ANKRD40: variants seen among roughly 807,000 people sequenced by gnomAD.
ANKRD40 encodes ankyrin repeat domain 40.
Under a neutral mutation model 35.5 loss-of-function variants are expected in ANKRD40, and 24 were observed. That is an observed-to-expected ratio of 0.68 (90% CI 0.49 to 0.95). The LOEUF (loss-of-function observed/expected upper bound fraction) is 0.95, where lower values mean the gene tolerates loss of function less well. Among genes scored for constraint, ANKRD40 ranks in the 40% least tolerant of loss-of-function variants. The probability of loss-of-function intolerance (pLI) is 0.00; values close to 1 mark genes in which losing one functional copy is unlikely to be tolerated. For synonymous variants in ANKRD40, 147 were observed against 173.5 expected, an observed-to-expected ratio of 0.85 and a Z score of 1.20; for missense variants, 361 against 436.0, an observed-to-expected ratio of 0.83 and a Z score of 1.53.
At chr17:50,703,996 T>A (rs1366922317) in intron 1 of ANKRD40, among the ~76,000 whole-genome samples, 1 of 151,968 alleles carries the variant, frequency 6.6e-6, no homozygotes, top group African/African-American at 2.4e-5. Context: ...AGATTCTGAC[T>A]GTATCTGAAG....
chr17:50,698,232 C>T (rs947777535), intron 3 of ANKRD40, among the ~76,000 whole-genome samples: 12 of 151,252 alleles, frequency 7.9e-5, no homozygotes, highest in East Asian at 1.9e-4. Context: ...GCTATAAGCC[C>T]GGAACATCTT....
At chr17:50,702,132 C>A (rs1426882108) in intron 1 of ANKRD40, among the ~76,000 whole-genome samples, 1 of 152,118 alleles carries the variant, frequency 6.6e-6, no homozygotes, top group Admixed American at 6.5e-5. Context: ...GGGCCAGGCA[C>A]GGTGGCTCAC....
intron 3 of ANKRD40, 93 bp from the exon 4 acceptor site, chr17:50,697,214 C>G (rs1968210492): frequency 8.1e-7 from 1 of 1,236,638 alleles, no homozygotes; most frequent in Non-Finnish European, 1.1e-6. Context: ...TATACTTAAT[C>G]ATGCCAAAGG....
At chr17:50,698,085 T>C (rs1968221252) in intron 3 of ANKRD40, among the ~76,000 whole-genome samples, 1 of 152,074 alleles carries the variant, frequency 6.6e-6, no homozygotes, top group Non-Finnish European at 1.5e-5. Flanking sequence ...GACCACATCC[T>C]GGTGTCTGAA....
intron 1 of ANKRD40, 42 bp from the exon 2 acceptor site, chr17:50,700,758 T>C (rs1458290611): frequency 6.4e-7 from 1 of 1,569,314 alleles, no homozygotes; most frequent in Admixed American, 1.8e-5. Context: ...GGAGAAGTGA[T>C]TTTGGATTTC....
chr17:50,699,270 G>A, intron 3 of ANKRD40, 129 bp downstream of exon 3: 1 of 1,257,546 alleles, frequency 8.0e-7, no homozygotes, highest in Non-Finnish European at 1.1e-6. Context: ...TTTGAGTAAA[G>A]GGAGTTCCTT....
rs199734034 is a variant in ANKRD40, at chr17:50,699,883, T to A, written c.294A>T (p.Glu98Asp). The A allele has an allele frequency of 2.0e-5, 30 of 1,498,022 alleles. No homozygotes were observed. Among genetic ancestry groups the A allele is most frequent in the African/African-American group, 4.4e-5 (3 of 68,422 alleles). 92.8% of individuals were successfully genotyped at this position (1,498,022 alleles called of 1,614,324 possible). Residue 98 changes from glutamate (E) to aspartate (D), a missense_variant, in exon 3 of 5, where the codon GAA becomes GAT. Transcript: ENST00000285243. Reference sequence around the variant, plus strand: ...TGTCATCATCATCATCATCATCATCTTCTTCTTCCACTTAAAAAGAAGAAA... The same window carrying A: ...TGTCATCATCATCATCATCATCATCATCTTCTTCCACTTAAAAAGAAGAAA... ...EIRKIMGVEE[E>D]DDDDDDDDNL...
chr17:50,697,141 T>C lies in ANKRD40; in HGVS notation c.779-20A>G. On this transcript the variant is annotated intron_variant, in intron 3 of 4. Coordinates refer to ENST00000285243, the MANE Select transcript of ANKRD40 (RefSeq NM_052855.4). ...CCAGCTCTAGAAAAAAAAGGAGAAA[T>C]GTTAATGAATAGTTCTGGCACAGCA... 6.2e-7 allele frequency: 1 copy of C among 1,600,500 alleles called. No individual in the cohort carries two copies. The highest frequency in any genetic ancestry group is 8.5e-7 in the Non-Finnish European group (1 of 1,172,360).
In ANKRD40 at chr17:50,707,584, C is replaced by T. The variant is rs551868482; in HGVS notation, c.71G>A (p.Arg24Gln). Residue 24 changes from arginine (R) to glutamine (Q), a missense_variant, in exon 1 of 5, where the codon CGG (arginine) becomes CAG (glutamine). Arg to Gln is a conservative substitution (Grantham distance 43). This residue lies in a region of ANKRD40 where 56 missense variants were observed against 47.1 expected (regional missense o/e 1.19). Transcript: ENST00000285243. This position sits in a 1 kb window ranked among gnomAD's most constrained non-coding sequence, Gnocchi z 4.8. ...LREAAALGDI[R>Q]EVQKLVESGV... Reference sequence around the variant, plus strand: ...GCTCTCCACCAGTTTCTGCACCTCCCGAATGTCCCCTAAGGCCGCGGCCTC... The same window carrying T: ...GCTCTCCACCAGTTTCTGCACCTCCTGAATGTCCCCTAAGGCCGCGGCCTC... 10 of 1,607,952 alleles carry T rather than the reference C, an allele frequency of 6.2e-6. No homozygotes were observed. The highest frequency in any genetic ancestry group is 2.7e-5 in the African/African-American group (2 of 74,290).
chr17:50,701,030 G>A (rs1191338624), intron 1 of ANKRD40: 4 of 208,664 alleles, frequency 1.9e-5, no homozygotes, highest in East Asian at 2.2e-4. Context: ...TATCAGTATC[G>A]CTCATTAGAT....
chr17:50,703,393 C>T (rs1031605021), intron 1 of ANKRD40, among the ~76,000 whole-genome samples: 1 of 152,098 alleles, frequency 6.6e-6, no homozygotes, highest in Non-Finnish European at 1.5e-5. Flanking sequence ...GCAAAGCACG[C>T]AGTACGCTAG....
intron 4 of ANKRD40, 113 bp from the exon 5 acceptor site, chr17:50,696,256 A>C: frequency 8.0e-7 from 1 of 1,254,194 alleles, no homozygotes; most frequent in South Asian, 1.6e-5. Context: ...AGAAAAAAAA[A>C]AATCCCTGTG....
At chr17:50,705,813 G>A (rs939949925) in intron 1 of ANKRD40, among the ~76,000 whole-genome samples, 18 of 151,292 alleles carry the variant, frequency 1.2e-4, no homozygotes, top group East Asian at 9.9e-4. Context: ...GGCACACACC[G>A]CTACCCCTGG....
Position 50,694,472 on chromosome 17 carries a change from T to C in ANKRD40, c.*1525A>G, listed in dbSNP as rs1307538099. The C allele has an allele frequency of 1.3e-5, 2 of 152,244 alleles. No homozygotes were observed. The highest frequency in any genetic ancestry group is 6.5e-5 in the Admixed American group (1 of 15,286). The allele number at this position is 152,244 out of a possible 1,614,324, so 9.4% of individuals were successfully genotyped here. A position where few individuals can be genotyped will look rare whatever the true frequency, so the allele number is the denominator to read the frequency against. ...TAGGAAGTTGAGTTTCTTTGGAAAC[T>C]ATAGGCACTATGGGGAAAAAGCTTC... On this transcript the variant is annotated 3_prime_UTR_variant, in exon 5 of 5. Coordinates refer to ENST00000285243, the MANE Select transcript of ANKRD40 (RefSeq NM_052855.4).
intron 2 of ANKRD40, 168 bp downstream of exon 2, chr17:50,700,400 G>A (rs568244446): frequency 2.6e-4 from 167 of 651,006 alleles, no homozygotes; most frequent in Non-Finnish European, 3.2e-4. Context: ...CCGAGATCAC[G>A]CCACTGCACT....
rs1205904295 is a variant in ANKRD40 at position 50,693,371 on chromosome 17, A to G, written c.*2626T>C. 1 of 152,252 alleles carries G rather than the reference A, an allele frequency of 6.6e-6. No individual in the cohort carries two copies. Among genetic ancestry groups the G allele is most frequent in the Non-Finnish European group, 1.5e-5 (1 of 68,044 alleles). 9.4% of individuals were successfully genotyped at this position (152,252 alleles called of 1,614,324 possible). A position where few individuals can be genotyped will look rare whatever the true frequency, so the allele number is the denominator to read the frequency against. On this transcript the variant is annotated 3_prime_UTR_variant, in exon 5 of 5. Transcript: ENST00000285243. ...AAGCTAAAAAAAAAATCCTTGTTAT[A>G]AATTACACAAAGCATATAAAAATAT...
rs1968172124 is a variant in ANKRD40, at chr17:50,694,365, T to C, written c.*1632A>G. ...AGGCAGCAGCAGGAGGCCATTATCT[T>C]AGCACAACATTCTCTTCTGTTGACA... On this transcript the variant is annotated 3_prime_UTR_variant, in exon 5 of 5. Coordinates refer to ENST00000285243, the MANE Select transcript of ANKRD40 (RefSeq NM_052855.4). 6.6e-6 allele frequency: 1 copy of C among 152,174 alleles called. No homozygotes were observed. Among genetic ancestry groups the C allele is most frequent in the South Asian group, 2.1e-4 (1 of 4,836 alleles). The allele number at this position is 152,174 out of a possible 1,614,324, so 9.4% of individuals were successfully genotyped here. A position where few individuals can be genotyped will look rare whatever the true frequency, so the allele number is the denominator to read the frequency against.
rs1334464348 is a variant in ANKRD40, at chr17:50,694,787, A to AG, written c.*1209dup. On this transcript the variant is annotated 3_prime_UTR_variant, in exon 5 of 5. Coordinates refer to ENST00000285243, the MANE Select transcript of ANKRD40 (RefSeq NM_052855.4). Reference sequence around the variant, plus strand: ...TGTGAAGTGAATTGGTGGTAGTAGTAGGGGGATCACTAAGATCAAACAATT... The same window carrying AG: ...TGTGAAGTGAATTGGTGGTAGTAGTAGGGGGGATCACTAAGATCAAACAATT... 6.6e-6 allele frequency: 1 copy of AG among 152,230 alleles called. No individual in the cohort carries two copies. Among genetic ancestry groups the AG allele is most frequent in the Non-Finnish European group, 1.5e-5 (1 of 68,040 alleles). The allele number at this position is 152,230 out of a possible 1,614,324, so 9.4% of individuals were successfully genotyped here. A position where few individuals can be genotyped will look rare whatever the true frequency, so the allele number is the denominator to read the frequency against.
chr17:50,701,738 A>ATGAAGAAATCT (rs1968275647), intron 1 of ANKRD40, among the ~76,000 whole-genome samples: 1 of 152,242 alleles, frequency 6.6e-6, no homozygotes, highest in Non-Finnish European at 1.5e-5. Flanking sequence ...TTATAGCCAA[A>ATGAAGAAATCT]TACAGAAATG....
Sources: gnomAD v4.1 joint callset for allele counts (sites outside exome capture counted in the v4.1 genomes callset) on GRCh38, gnomAD v4.1.1 for gene constraint, gnomAD v4.1.1 regional missense constraint, Gnocchi (gnomAD v3.1) non-coding constraint, MANE v1.5 for transcripts, NCBI Gene and HGNC (gene_info 2026-07-23, HGNC 2026-07-21) for gene names.